GABRG1: variants seen among roughly 807,000 people sequenced by gnomAD.
GABRG1 encodes gamma-aminobutyric acid type A receptor subunit gamma1.
Under a neutral mutation model 49.8 loss-of-function variants are expected in GABRG1, and 49 were observed. The ratio of observed to expected loss-of-function variants is 0.98; its 90% CI spans 0.78 to 1.25. The LOEUF (loss-of-function observed/expected upper bound fraction) is 1.25, where lower values mean the gene tolerates loss of function less well. Among genes scored for constraint, GABRG1 ranks in the 50% most tolerant of loss-of-function variants. The probability of loss-of-function intolerance (pLI) is 0.00; values close to 1 mark genes in which losing one functional copy is unlikely to be tolerated. For missense variants in GABRG1, 552 were observed against 552.3 expected, an observed-to-expected ratio of 1.00 and a Z score of 0.01; for synonymous variants, 232 against 185.1, an observed-to-expected ratio of 1.25 and a Z score of -2.06.
chr4:46,103,302 T>G (rs1353408428), intron 1 of GABRG1, among the ~76,000 whole-genome samples: 1 of 151,470 alleles, frequency 6.6e-6, no homozygotes, highest in Non-Finnish European at 1.5e-5. Flanking sequence ...ATTTACATAC[T>G]TCATTGGAAA....
chr4:46,115,407 C>T (rs1451817978), intron 1 of GABRG1, among the ~76,000 whole-genome samples: 2 of 150,804 alleles, frequency 1.3e-5, no homozygotes, highest in African/African-American at 4.8e-5. Context: ...TAGATTCCCA[C>T]CTTACACAGT....
intron 3 of GABRG1, among the ~76,000 whole-genome samples, chr4:46,076,717 A>G (rs1051204853): frequency 4.0e-5 from 6 of 151,764 alleles, no homozygotes; most frequent in African/African-American, 1.5e-4. Flanking sequence ...ACATTCTACA[A>G]CATTCTATGA....
chr4:46,113,426 C>A (rs1368716946), intron 1 of GABRG1, among the ~76,000 whole-genome samples: 1 of 150,884 alleles, frequency 6.6e-6, no homozygotes, highest in African/African-American at 2.4e-5. Flanking sequence ...GGGTAACTGC[C>A]CCCATGATTC....
intron 3 of GABRG1, among the ~76,000 whole-genome samples, chr4:46,076,928 G>C (rs1719364729): frequency 6.6e-6 from 1 of 151,214 alleles, no homozygotes; most frequent in Non-Finnish European, 1.5e-5. Flanking sequence ...AATAATGGTG[G>C]CTAAAATATT....
chr4:46,069,538 A>C (rs2109412117), intron 3 of GABRG1, among the ~76,000 whole-genome samples: 1 of 152,232 alleles, frequency 6.6e-6, no homozygotes, highest in African/African-American at 2.4e-5. Flanking sequence ...ATAGGGAACA[A>C]AGAGGTTATG....
chr4:46,102,093 C>A (rs71611964), intron 1 of GABRG1, among the ~76,000 whole-genome samples: 1 of 151,554 alleles, frequency 6.6e-6, no homozygotes, highest in African/African-American at 2.4e-5. Context: ...TACCAGATAA[C>A]GCTCTGAAAT....
Position 46,037,243 on chromosome 4 carries a change from T to C in GABRG1, c.*3745A>G, listed in dbSNP as rs986926128. The C allele has an allele frequency of 5.9e-5, 9 of 151,996 alleles. No homozygotes were observed. Among genetic ancestry groups the C allele is most frequent in the South Asian group, 2.1e-4 (1 of 4,830 alleles). The allele number at this position is 151,996 out of a possible 1,614,324, so 9.4% of individuals were successfully genotyped here. A position where few individuals can be genotyped will look rare whatever the true frequency, so the allele number is the denominator to read the frequency against. On this transcript the variant is annotated 3_prime_UTR_variant, in exon 9 of 9. Transcript: ENST00000295452. ...GCATATATATTTGAATGAGGTTACC[T>C]CACTTCCGAAATGCAAACACAAAAA...
At chr4:46,088,802 T>A in intron 2 of GABRG1, among the ~76,000 whole-genome samples, 1 of 145,770 alleles carries the variant, frequency 6.9e-6, no homozygotes, top group Non-Finnish European at 1.5e-5. Context: ...TGTGTGTGTG[T>A]GTTTGTGTGT....
chr4:46,104,241 A>C (rs1018941322), intron 1 of GABRG1, among the ~76,000 whole-genome samples: 1 of 151,570 alleles, frequency 6.6e-6, no homozygotes, highest in African/African-American at 2.4e-5. Flanking sequence ...ACATACATAG[A>C]GATTGTAGTA....
intron 1 of GABRG1, among the ~76,000 whole-genome samples, chr4:46,118,739 C>G (rs1044856855): frequency 6.6e-6 from 1 of 151,044 alleles, no homozygotes; most frequent in East Asian, 1.9e-4. Context: ...AAGGCTATTT[C>G]TTGAAACATG....
chr4:46,084,304 T>G (rs1367232681), intron 2 of GABRG1, among the ~76,000 whole-genome samples: 1 of 151,550 alleles, frequency 6.6e-6, no homozygotes, highest in Non-Finnish European at 1.5e-5. Flanking sequence ...AGACTGAAAG[T>G]TTCTGTTATT....
chr4:46,073,167 A>G (rs961960787), intron 3 of GABRG1, among the ~76,000 whole-genome samples: 2 of 152,050 alleles, frequency 1.3e-5, no homozygotes, highest in Non-Finnish European at 2.9e-5. Flanking sequence ...CTTTCATTTA[A>G]GCAGGGAAAG....
At position 46,065,427 on chromosome 4, in the gene GABRG1, CA is replaced by C; in HGVS notation, c.478del (p.Trp160GlyfsTer2). The stretch of plus-strand genomic sequence containing the variant: ...AAGCAGACGATTAGGAGTTGTTATC[CA>C]GTGAGCATCAGATTTTCTTGAGTTT... ...FRNSRKSDAH[W>X]ITTPNRLLRI... On this transcript the variant is annotated frameshift_variant, in exon 4 of 9. Transcript: ENST00000295452. LOFTEE classifies it high-confidence loss of function. 1 of 1,613,596 alleles carries C rather than the reference CA, an allele frequency of 6.2e-7. No homozygotes were observed. Among genetic ancestry groups the C allele is most frequent in the South Asian group, 1.1e-5 (1 of 91,068 alleles).
At chr4:46,060,049 G>A (rs1413922859) in intron 5 of GABRG1, among the ~76,000 whole-genome samples, 2 of 151,982 alleles carry the variant, frequency 1.3e-5, no homozygotes, top group African/African-American at 2.4e-5. Flanking sequence ...CTAGAACGGA[G>A]GTCTATCCTT....
At position 46,123,883 on chromosome 4, in the gene GABRG1, GGGA is replaced by G. The variant is rs747955212; in HGVS notation, c.28_30del (p.Ser10del). 1 of 1,613,534 alleles carries G rather than the reference GGGA, an allele frequency of 6.2e-7. No individual in the cohort carries two copies. Among genetic ancestry groups the G allele is most frequent in the African/African-American group, 1.3e-5 (1 of 74,878 alleles). On this transcript the variant is annotated inframe_deletion, in exon 1 of 9. Transcript: ENST00000295452. ...CTACTTTGACTCCGCAGAAGAAAAG[GGGA>G]GAAGAGAAAAGCTTTCAAAGGACCC...
chr4:46,092,171 C>A (rs1720013187), intron 2 of GABRG1, among the ~76,000 whole-genome samples: 1 of 151,784 alleles, frequency 6.6e-6, no homozygotes. Context: ...GAATATATTT[C>A]TAAGTGGAAA....
chr4:46,058,547 C>A lies in GABRG1; in HGVS notation c.701G>T (p.Arg234Ile). 6.2e-7 allele frequency: 1 copy of A among 1,613,144 alleles called. No individual in the cohort carries two copies. Among genetic ancestry groups the A allele is most frequent in the Non-Finnish European group, 8.5e-7 (1 of 1,179,452 alleles). Reference protein sequence around the residue: ...SVEVADPKYWRLYQFAFVGLR... With the variant: ...SVEVADPKYWILYQFAFVGLR... ...CCCTACAAATGCAAACTGATATAAT[C>A]TCCAGTATTTAGGATCAGCCACTTC... Residue 234 changes from arginine to isoleucine, a missense_variant, in exon 6 of 9, where the codon AGA (arginine) becomes ATA (isoleucine). Transcript: ENST00000295452.
intron 1 of GABRG1, among the ~76,000 whole-genome samples, chr4:46,113,010 T>C (rs1433869941): frequency 6.6e-6 from 1 of 151,096 alleles, no homozygotes; most frequent in Non-Finnish European, 1.5e-5. Flanking sequence ...TTCAAATTCT[T>C]ATCTCCCCAA....
At chr4:46,052,838 T>A (rs1718281588) in intron 7 of GABRG1, among the ~76,000 whole-genome samples, 1 of 151,884 alleles carries the variant, frequency 6.6e-6, no homozygotes, top group Non-Finnish European at 1.5e-5. Context: ...GTGAAGGCAA[T>A]AACCACCTCT....
Sources: gnomAD v4.1 joint callset for allele counts (sites outside exome capture counted in the v4.1 genomes callset) on GRCh38, gnomAD v4.1.1 for gene constraint, MANE v1.5 for transcripts, NCBI Gene and HGNC (gene_info 2026-07-23, HGNC 2026-07-21) for gene names.